Variants in TPTE2 observed in about 807,000 individuals in gnomAD.
The protein encoded by TPTE2 is phosphatidylinositol 3,4,5-trisphosphate 3-phosphatase TPTE2.
In TPTE2, 53 loss-of-function variants were observed where a neutral mutation model predicts 78.6. That is an observed-to-expected ratio of 0.67 (90% confidence interval 0.54 to 0.85). The LOEUF is 0.85. Ranked by LOEUF, TPTE2 falls within the 40% of genes least tolerant of loss-of-function variation. The pLI is 0.00. For missense variants in TPTE2, 461 were observed against 623.0 expected (o/e 0.74, Z 2.77); for synonymous variants, 175 against 206.2 (o/e 0.85, Z 1.30).
chr13:19,443,397 C>CTTTT (rs71092357), intron 13 of TPTE2, among the ~76,000 whole-genome samples: 1 of 129,912 alleles, frequency 7.7e-6, no homozygotes, highest in Admixed American at 8.1e-5. Flanking sequence ...TTCTTTCTTT[C>CTTTT]TTTTTTTTTT....
chr13:19,513,661 G>C (rs908526088), intron 1 of TPTE2, among the ~76,000 whole-genome samples: 1 of 152,056 alleles, frequency 6.6e-6, no homozygotes, highest in Non-Finnish European at 1.5e-5. Flanking sequence ...CTATTATTTG[G>C]CACCTGGTAC....
chr13:19,470,759 C>T (rs759188440), intron 6 of TPTE2, among the ~76,000 whole-genome samples: 6 of 151,526 alleles, frequency 4.0e-5, no homozygotes, highest in Non-Finnish European at 5.9e-5. Flanking sequence ...CTCCTGACCT[C>T]CAGTAAACCA....
At position 19,465,511 on chromosome 13, in the gene TPTE2, T is replaced by C. The variant is rs567208209; in HGVS notation, c.566A>G (p.His189Arg). The C allele has an allele frequency of 1.9e-5, 31 of 1,610,472 alleles. 1 individual carries two copies. The South Asian group carries it at 3.0e-4, about 16-fold the overall frequency. Reference sequence around the variant, plus strand: ...AAGTTGTCTTTTTTGATGAAGCAGATGAAAAATTCTTATCAGAATAATAAG... The same window carrying C: ...AAGTTGTCTTTTTTGATGAAGCAGACGAAAAATTCTTATCAGAATAATAAG... The change falls in exon 8 of 20, where the codon CAT becomes CGT. Residue 189 changes from histidine to arginine, a missense_variant. Transcript: ENST00000400230.
intron 1 of TPTE2, among the ~76,000 whole-genome samples, chr13:19,522,619 C>CTTTTTTTTTTTTTTTTTTTTTTTTTT (rs57248346): frequency 8.2e-6 from 1 of 121,648 alleles, no homozygotes. Context: ...CTTTTTTTTT[C>CTTTTTTTTTTTTTTTTTTTTTTTTTT]TTTTTTTTTT....
intron 1 of TPTE2, among the ~76,000 whole-genome samples, chr13:19,516,219 C>G (rs1488909220): frequency 1.3e-5 from 2 of 152,204 alleles, no homozygotes; most frequent in Non-Finnish European, 2.9e-5. Context: ...AAAAGTACGT[C>G]TCCGACCAAA....
chr13:19,446,992 T>C (rs1440905929), intron 13 of TPTE2, among the ~76,000 whole-genome samples: 1 of 152,010 alleles, frequency 6.6e-6, no homozygotes, highest in East Asian at 1.9e-4. Flanking sequence ...TAAATCACCA[T>C]CAAATTTAAA....
At chr13:19,432,031 AT>A (rs760614082) in intron 16 of TPTE2, among the ~76,000 whole-genome samples, 17,374 of 43,354 alleles carry the variant, frequency 0.4, 303 homozygotes, top group East Asian at 0.48. Context: ...TGAGAAAAAA[AT>A]ATGCCTCTAA....
intron 1 of TPTE2, among the ~76,000 whole-genome samples, chr13:19,527,649 C>T (rs1290651577): frequency 3.9e-5 from 6 of 151,938 alleles, no homozygotes; most frequent in Admixed American, 1.3e-4. Flanking sequence ...CCAAGGCAGG[C>T]ACATCACTTG....
At chr13:19,462,232 C>T (rs1429572688) in intron 10 of TPTE2, among the ~76,000 whole-genome samples, 1 of 152,064 alleles carries the variant, frequency 6.6e-6, no homozygotes, top group African/African-American at 2.4e-5. Context: ...GGTAATCATC[C>T]TCTTGCTTCC....
chr13:19,473,729 G>A (rs899026589), intron 6 of TPTE2, among the ~76,000 whole-genome samples, 185 bp downstream of exon 9: 19 of 151,120 alleles, frequency 1.3e-4, no homozygotes, highest in Admixed American at 5.3e-4. Context: ...CCAAGTAGCT[G>A]GGATTACAGG....
chr13:19,458,708 A>G (rs1275527733), intron 10 of TPTE2: 5 of 478,786 alleles, frequency 1.0e-5, no homozygotes, highest in African/African-American at 7.8e-5. Flanking sequence ...GCCTTTCTCA[A>G]CATCACCCAT....
At position 19,511,678 on chromosome 13, in the gene TPTE2, G is replaced by A. The variant is rs533482393; in HGVS notation, c.-43-8401C>T. ...GGAACACAGGGGCTAGCTTTTAGGGGGTCCCACTGGCCAAATATGGGACCT... is the reference window on the plus strand; with the variant it reads ...GGAACACAGGGGCTAGCTTTTAGGGAGTCCCACTGGCCAAATATGGGACCT... On this transcript the variant is annotated intron_variant, in intron 1 of 17. Coordinates refer to the TPTE2 transcript ENST00000390680. Among the ~76,000 whole-genome samples, 22 of 152,122 alleles carry A rather than the reference G, an allele frequency of 1.4e-4. No individual in the cohort carries two copies. In the South Asian group the frequency reaches 2.1e-3, roughly 14 times the overall value.
chr13:19,561,378 T>C, the TPTE2 span: 5 of 466,692 alleles, frequency 1.1e-5, no homozygotes, highest in Non-Finnish European at 7.4e-6. Context: ...ATTCCCGCTG[T>C]CGCAGACGCC....
At chr13:19,465,402 T>C in intron 8 of TPTE2, 63 bp downstream of exon 11, 8 of 1,607,098 alleles carry the variant, frequency 5.0e-6, no homozygotes, top group African/African-American at 1.3e-5. Context: ...ATATCAACCC[T>C]TGCCAATGGG....
the TPTE2 span, chr13:19,560,600 A>G: frequency 6.2e-7 from 1 of 1,601,734 alleles, no homozygotes; most frequent in East Asian, 2.2e-5. Flanking sequence ...AAGAGGTCAC[A>G]GAGGGTAGCC....
At chr13:19,560,440 T>A in the TPTE2 span, 26 of 1,608,760 alleles carry the variant, frequency 1.6e-5, no homozygotes, top group South Asian at 2.4e-4. Flanking sequence ...GGCCAACTCA[T>A]CCTGCAGTGG....
chr13:19,513,414 G>A lies in TPTE2; in HGVS notation c.-43-10137C>T, dbSNP rs149897679. Among the ~76,000 whole-genome samples, 1,019 of 152,270 alleles carry A rather than the reference G, an allele frequency of 6.7e-3. 8 individuals are homozygous for A. The highest frequency in any genetic ancestry group is 0.022 in the African/African-American group (902 of 41,556). On this transcript the variant is annotated intron_variant, in intron 1 of 17. Transcript: ENST00000390680. ...TTTTCCCATGAATAATTCTGAGACT[G>A]AATTTCACAAACCTGAATTCCTCCC... is the stretch of plus-strand genomic sequence containing the variant.
At chr13:19,446,003 GA>G (rs1282428650) in intron 13 of TPTE2, among the ~76,000 whole-genome samples, 20 of 152,084 alleles carry the variant, frequency 1.3e-4, no homozygotes, top group African/African-American at 4.8e-4. Context: ...AAATGTAATA[GA>G]AAAAAAGAGA....
At chr13:19,544,829 G>T in the TPTE2 span, among the ~76,000 whole-genome samples, 12 of 152,214 alleles carry the variant, frequency 7.9e-5, no homozygotes, top group African/African-American at 2.9e-4. Context: ...TCTAAGCCTG[G>T]ACTTGAAGGC....
Sources: gnomAD v4.1 joint callset for allele counts (sites outside exome capture counted in the v4.1 genomes callset) on GRCh38, gnomAD v4.1.1 for gene constraint, MANE v1.5 for transcripts, NCBI Gene and HGNC (gene_info 2026-07-23, HGNC 2026-07-21) for gene names.